The following ZNF71 variants were observed in gnomAD, a reference collection of about 807,000 sequenced individuals.
ZNF71 encodes endothelial zinc finger protein induced by tumor necrosis factor alpha.
Under a neutral mutation model 6.7 loss-of-function variants are expected in ZNF71, and 3 were observed. The observed-to-expected ratio is 0.45, with a 90% CI of 0.20 to 1.16. The LOEUF (loss-of-function observed/expected upper bound fraction) is 1.16, where lower values mean the gene tolerates loss of function less well. ZNF71 is among the 50% of genes most tolerant of loss of function. The pLI, the probability that ZNF71 is intolerant of heterozygous loss-of-function variation, is 0.25. For synonymous variants in ZNF71, 343 were observed against 311.1 expected, an observed-to-expected ratio of 1.10 and a Z score of -1.08; for missense variants, 688 against 728.6, an observed-to-expected ratio of 0.94 and a Z score of 0.64.
At position 56,617,515 on chromosome 19, in the gene ZNF71, T is replaced by A. The variant is rs149592223; in HGVS notation, c.160+3577T>A. On this transcript the variant is annotated intron_variant, in intron 3 of 3. Transcript: ENST00000599599. ...AAGTGTGAAGGACGAGATTTAGCAA[T>A]GTGAAAAAAGAATGCACCTACATTT... 1.1e-3 allele frequency among the ~76,000 whole-genome samples: 171 copies of A among 152,312 alleles called. 1 individual carries two copies. The highest frequency in any genetic ancestry group is 3.9e-3 in the African/African-American group (163 of 41,548).
Position 56,596,827 on chromosome 19 carries a change from C to G in ZNF71, c.-53+1399C>G, listed in dbSNP as rs147354891. ...ATGGGAGATCCCTTTTTTCCCTTTC[C>G]GCTCAGCTGACACAAGGTTGCAGGA... On this transcript the variant is annotated intron_variant, in intron 1 of 3. Transcript: ENST00000599599. Among the ~76,000 whole-genome samples the G allele has an allele frequency of 4.2e-3, 641 of 152,154 alleles. 5 individuals are homozygous for G. Among genetic ancestry groups the G allele is most frequent in the African/African-American group, 0.014 (597 of 41,528 alleles).
chr19:56,621,717 T>C lies in ZNF71; in HGVS notation c.610T>C (p.Ser204Pro), dbSNP rs745370886. Reference protein sequence around the residue: ...ECGKAFSRSSSLIKHQRIHTG... With the variant: ...ECGKAFSRSSPLIKHQRIHTG... ...TGGCAAGGCCTTTAGCCGAAGCTCG[T>C]CCCTGATAAAGCACCAAAGGATCCA... The change falls in exon 4 of 4, where the codon TCC (serine) becomes CCC (proline). Residue 204 changes from serine (S) to proline (P), a missense_variant. Coordinates refer to ENST00000599599, the MANE Select transcript of ZNF71 (RefSeq NM_001370215.1). 5.6e-6 allele frequency: 9 copies of C among 1,613,898 alleles called. No individual in the cohort carries two copies. The East Asian group carries it at 2.0e-4, about 36-fold the overall frequency.
Position 56,613,810 on chromosome 19 carries a change from AG to A in ZNF71, c.34del. The stretch of plus-strand genomic sequence containing the variant: ...TGAGCGGATGTGGGTTTCCTCTTAC[AG>A]GAATCAGTGACGTTCAGGGATGTGA... On this transcript the variant is annotated splice_acceptor_variant, in intron 2 of 3. Transcript: ENST00000599599. LOFTEE classifies it high-confidence loss of function. The surrounding 1 kb of genome is among the most constrained non-coding windows in gnomAD (Gnocchi z 4.6). 1 of 1,106,466 alleles carries A rather than the reference AG, an allele frequency of 9.0e-7. No homozygotes were observed. Among genetic ancestry groups the A allele is most frequent in the Non-Finnish European group, 1.1e-6 (1 of 890,288 alleles). The allele number at this position is 1,106,466 out of a possible 1,614,324, so 68.5% of individuals were successfully genotyped here.
Position 56,621,582 on chromosome 19 carries a change from A to G in ZNF71, c.475A>G (p.Lys159Glu), listed in dbSNP as rs776216179. The change falls in exon 4 of 4, where the codon AAG becomes GAG. Residue 159 changes from lysine to glutamate, a missense_variant. Transcript: ENST00000599599. ...VPPRLDDPTE[K>E]GACPPVRRGK... ...ACCACGGCTGGACGACCCCACAGAAAAGGGGGCCTGTCCACCCGTAAGGCG... is the reference window on the plus strand; with the variant it reads ...ACCACGGCTGGACGACCCCACAGAAGAGGGGGCCTGTCCACCCGTAAGGCG... 6.2e-7 allele frequency: 1 copy of G among 1,614,212 alleles called. No individual in the cohort carries two copies. Among genetic ancestry groups the G allele is most frequent in the East Asian group, 2.2e-5 (1 of 44,888 alleles).
At chr19:56,615,587 A>G (rs1239744907) in intron 3 of ZNF71, among the ~76,000 whole-genome samples, 1 of 114,532 alleles carries the variant, frequency 8.7e-6, no homozygotes, top group Non-Finnish European at 2.0e-5. Context: ...TTGGGTTATT[A>G]TTGAATTTTG....
chr19:56,616,162 G>A (rs1242041793), intron 3 of ZNF71, among the ~76,000 whole-genome samples: 4 of 152,056 alleles, frequency 2.6e-5, no homozygotes, highest in African/African-American at 9.7e-5. Context: ...ATAGTTTTAG[G>A]TTTTACATTT....
At chr19:56,599,977 G>T (rs964298476) in intron 1 of ZNF71, among the ~76,000 whole-genome samples, 1 of 151,728 alleles carries the variant, frequency 6.6e-6, no homozygotes, top group African/African-American at 2.4e-5. Flanking sequence ...CACTGCGCCC[G>T]GCCAGTTATT....
rs2044890637 is a variant in ZNF71, at chr19:56,624,204, G to C, written c.*1447G>C. 1 of 164,374 alleles carries C rather than the reference G, an allele frequency of 6.1e-6. No homozygotes were observed. Among genetic ancestry groups the C allele is most frequent in the South Asian group, 2.1e-4 (1 of 4,824 alleles). The allele number at this position is 164,374 out of a possible 1,614,324, so 10.2% of individuals were successfully genotyped here. A position where few individuals can be genotyped will look rare whatever the true frequency, so the allele number is the denominator to read the frequency against. Reference sequence around the variant, plus strand: ...AAAATTATATCAGCAAGCACATTCTGCAAATAAGAAAAACAGCCACTCGGG... The same window carrying C: ...AAAATTATATCAGCAAGCACATTCTCCAAATAAGAAAAACAGCCACTCGGG... On this transcript the variant is annotated 3_prime_UTR_variant, in exon 4 of 4. Transcript: ENST00000599599.
At chr19:56,600,047 A>G (rs571546439) in intron 1 of ZNF71, among the ~76,000 whole-genome samples, 1 of 147,360 alleles carries the variant, frequency 6.8e-6, no homozygotes, top group Non-Finnish European at 1.5e-5. Context: ...GTCAAATAGT[A>G]GGTCTTATTC....
intron 2 of ZNF71, among the ~76,000 whole-genome samples, chr19:56,607,096 A>G (rs928908119): frequency 2.0e-5 from 3 of 152,216 alleles, no homozygotes; most frequent in African/African-American, 7.2e-5. Flanking sequence ...TTTCTGGGCT[A>G]CCAGAAAAGC....
At position 56,621,746 on chromosome 19, in the gene ZNF71, G is replaced by C. The variant is rs374454585; in HGVS notation, c.639G>C (p.Thr213=). The part of the protein sequence containing the change: ...SSLIKHQRIH[T]GEKPFECDTC... ...TGATAAAGCACCAAAGGATCCACAC[G>C]GGAGAAAAGCCGTTTGAGTGTGACA... Residue 213 remains threonine, a synonymous_variant, in exon 4 of 4, where the codon ACG becomes ACC. Transcript: ENST00000599599. 1.4e-4 allele frequency: 230 copies of C among 1,613,992 alleles called. 2 individuals carry two copies. Among genetic ancestry groups the C allele is most frequent in the Middle Eastern group, 9.9e-4 (6 of 6,060 alleles).
intron 3 of ZNF71, among the ~76,000 whole-genome samples, chr19:56,616,262 G>A (rs2044790451): frequency 1.3e-5 from 2 of 152,180 alleles, no homozygotes; most frequent in Non-Finnish European, 2.9e-5. Flanking sequence ...ACAAATGTAT[G>A]TCCAGTTGTC....
intron 2 of ZNF71, among the ~76,000 whole-genome samples, chr19:56,606,641 T>C (rs2044712245): frequency 6.6e-6 from 1 of 152,060 alleles, no homozygotes; most frequent in Admixed American, 6.6e-5. Flanking sequence ...CTTGCTGTGG[T>C]ATGGATGGCA....
rs757210340 is a variant in ZNF71, at chr19:56,622,598, G to A, written c.1491G>A (p.Pro497=). 3 of 1,613,424 alleles carry A rather than the reference G, an allele frequency of 1.9e-6. No individual in the cohort carries two copies. Among genetic ancestry groups the A allele is most frequent in the South Asian group, 1.1e-5 (1 of 91,022 alleles). The change falls in exon 4 of 4, where the codon CCG becomes CCA. Residue 497 remains proline (P), a synonymous_variant. Transcript: ENST00000599599. ...EHQRIHTGEK[P]YRCGQCGKSF... ...AGCGGATCCACACCGGCGAGAAGCC[G>A]TACAGGTGCGGCCAGTGCGGGAAGT... is the stretch of plus-strand genomic sequence containing the variant.
At chr19:56,601,317 C>G (rs893818941) in intron 1 of ZNF71, among the ~76,000 whole-genome samples, 190 bp from the exon 2 acceptor site, 1 of 151,990 alleles carries the variant, frequency 6.6e-6, no homozygotes, top group Non-Finnish European at 1.5e-5. Context: ...GTTGGAAGAT[C>G]AAGTGATATA....
chr19:56,617,112 G>GTTTTTTTTTTTTTTTTTT (rs748784485), intron 3 of ZNF71, among the ~76,000 whole-genome samples: 2 of 140,646 alleles, frequency 1.4e-5, no homozygotes, highest in Non-Finnish European at 3.0e-5. Flanking sequence ...ATTTTCTTTT[G>GTTTTTTTTTTTTTTTTTT]TTTTTTTTTG....
Position 56,622,484 on chromosome 19 carries a change from G to A in ZNF71, c.1377G>A (p.Val459=). Residue 459 remains valine (V), a synonymous_variant, in exon 4 of 4, where the codon GTG becomes GTA. Transcript: ENST00000599599. Reference sequence around the variant, plus strand: ...TCACGGGGCGCTCGTCCCTCATCGTGCACCAGATCGTGCACACCGGGGAGA... The same window carrying A: ...TCACGGGGCGCTCGTCCCTCATCGTACACCAGATCGTGCACACCGGGGAGA... The part of the protein sequence containing the change: ...KHFTGRSSLI[V]HQIVHTGEKP... 1 of 1,609,410 alleles carries A rather than the reference G, an allele frequency of 6.2e-7. No homozygotes were observed. The highest frequency in any genetic ancestry group is 1.3e-5 in the African/African-American group (1 of 74,636).
Position 56,621,997 on chromosome 19 carries a change from C to A in ZNF71, c.890C>A (p.Thr297Lys). 1 of 1,606,906 alleles carries A rather than the reference C, an allele frequency of 6.2e-7. No individual in the cohort carries two copies. The highest frequency in any genetic ancestry group is 8.5e-7 in the Non-Finnish European group (1 of 1,178,418). Reference protein sequence around the residue: ...SSLTQHERIHTGEKPYACGDC... With the variant: ...SSLTQHERIHKGEKPYACGDC... Reference sequence around the variant, plus strand: ...CTCACCCAGCACGAGCGGATCCACACGGGGGAGAAGCCCTACGCGTGCGGG... The same window carrying A: ...CTCACCCAGCACGAGCGGATCCACAAGGGGGAGAAGCCCTACGCGTGCGGG... Residue 297 changes from threonine to lysine, a missense_variant, in exon 4 of 4, where the codon ACG (threonine) becomes AAG (lysine). Physicochemically the swap from Thr to Lys is moderately conservative, Grantham distance 78 (BLOSUM62 -1). Coordinates refer to ENST00000599599, the MANE Select transcript of ZNF71 (RefSeq NM_001370215.1).
chr19:56,616,899 C>T (rs933182195), intron 3 of ZNF71, among the ~76,000 whole-genome samples: 1 of 152,202 alleles, frequency 6.6e-6, no homozygotes. Context: ...TTTTGCCCTT[C>T]ATTGCCTGAT....
Sources: gnomAD v4.1 joint callset for allele counts (sites outside exome capture counted in the v4.1 genomes callset) on GRCh38, gnomAD v4.1.1 for gene constraint, Gnocchi (gnomAD v3.1) non-coding constraint, MANE v1.5 for transcripts, NCBI Gene and HGNC (gene_info 2026-07-23, HGNC 2026-07-21) for gene names.